P4HA2: variants seen among roughly 807,000 people sequenced by gnomAD.
P4HA2 encodes the protein prolyl 4-hydroxylase subunit alpha 2.
In P4HA2, 46 loss-of-function variants were observed where a neutral mutation model predicts 76.9. The observed-to-expected ratio is 0.60, with a 90% CI of 0.47 to 0.76. The LOEUF is 0.76. Among genes scored for constraint, P4HA2 ranks in the 30% least tolerant of loss-of-function variants. The pLI is 0.00. For synonymous variants in P4HA2, 243 were observed against 254.0 expected, an observed-to-expected ratio of 0.96 and a Z score of 0.41; for missense variants, 583 against 669.4, an observed-to-expected ratio of 0.87 and a Z score of 1.42.
At chr5:132,218,205 C>T (rs565667744) in intron 2 of P4HA2, among the ~76,000 whole-genome samples, 13 of 152,220 alleles carry the variant, frequency 8.5e-5, no homozygotes, top group East Asian at 7.7e-4. Flanking sequence ...AACTTTAGGT[C>T]GGAAGGATAG....
chr5:132,213,336 T>C (rs913113608), intron 5 of P4HA2, among the ~76,000 whole-genome samples: 10 of 151,360 alleles, frequency 6.6e-5, no homozygotes, highest in African/African-American at 2.4e-4. Context: ...ACCAGGAAAA[T>C]GGACAGAGTG....
intron 12 of P4HA2, among the ~76,000 whole-genome samples, chr5:132,196,482 T>A (rs1750659045): frequency 6.6e-6 from 1 of 152,194 alleles, no homozygotes; most frequent in African/African-American, 2.4e-5. Context: ...AAGTCTCAAC[T>A]GATATGTTAC....
chr5:132,203,503 G>C (rs1751790959), intron 10 of P4HA2: 2 of 511,160 alleles, frequency 3.9e-6, no homozygotes, highest in Non-Finnish European at 7.1e-6. Flanking sequence ...AACTACCCCT[G>C]ATCCCTAGCT....
chr5:132,216,875 T>C (rs1004602287), intron 4 of P4HA2, among the ~76,000 whole-genome samples: 2 of 152,212 alleles, frequency 1.3e-5, no homozygotes, highest in Admixed American at 1.3e-4. Flanking sequence ...AATTCTCTTG[T>C]TTTTGTGTTT....
At position 132,192,231 on chromosome 5, in the gene P4HA2, G is replaced by T. The variant is rs183914164; in HGVS notation, c.*779C>A. On this transcript the variant is annotated 3_prime_UTR_variant, in exon 15 of 15. Transcript: ENST00000360568. ...GCTCCTGAGGTACTGACTTGAAAACGTTCTCTTTTCTAACTTGGTGTTGAC... is the reference window on the plus strand; with the variant it reads ...GCTCCTGAGGTACTGACTTGAAAACTTTCTCTTTTCTAACTTGGTGTTGAC... 1 of 152,154 alleles carries T rather than the reference G, an allele frequency of 6.6e-6. No homozygotes were observed. Among genetic ancestry groups the T allele is most frequent in the Non-Finnish European group, 1.5e-5 (1 of 68,028 alleles). 9.4% of individuals were successfully genotyped at this position (152,154 alleles called of 1,614,324 possible).
At position 132,192,864 on chromosome 5, in the gene P4HA2, C is replaced by T. The variant is rs1750043643; in HGVS notation, c.*146G>A. ...GCTGGGACTTCAGTCACACAGGAGT[C>T]GCCCTAGTATGGTCTCCCTCTGCTC... is the stretch of plus-strand genomic sequence containing the variant. On this transcript the variant is annotated 3_prime_UTR_variant, in exon 15 of 15. Transcript: ENST00000360568. The T allele has an allele frequency of 6.5e-6, 4 of 619,448 alleles. No homozygotes were observed. Among genetic ancestry groups the T allele is most frequent in the South Asian group, 6.1e-5 (3 of 49,474 alleles). 38.4% of individuals were successfully genotyped at this position (619,448 alleles called of 1,614,324 possible). A position where few individuals can be genotyped will look rare whatever the true frequency, so the allele number is the denominator to read the frequency against.
rs1300349607 is a variant in P4HA2, at chr5:132,207,836, T to C, written c.952A>G (p.Arg318Gly). ...RLFCRYHHGN[R>G]APQLLIAPFK... ...GGGGCAATGAGCAGCTGTGGGGCCC[T>C]GTTGCCATGGTGGTACCTACAGAAA... is the stretch of plus-strand genomic sequence containing the variant. The change falls in exon 8 of 15, where the codon AGG becomes GGG. Residue 318 changes from arginine (R) to glycine (G), a missense_variant. Transcript: ENST00000360568. 1.9e-6 allele frequency: 3 copies of C among 1,606,498 alleles called. No homozygotes were observed. The highest frequency in any genetic ancestry group is 2.5e-6 in the Non-Finnish European group (3 of 1,176,532).
Position 132,196,955 on chromosome 5 carries a change from T to C in P4HA2, c.1365+1366A>G, listed in dbSNP as rs142310896. ...TCAAGCACAAGAGAGACCACATATGTTCTGCTCACCAGCATGTACACAGCA... is the reference window on the plus strand; with the variant it reads ...TCAAGCACAAGAGAGACCACATATGCTCTGCTCACCAGCATGTACACAGCA... On this transcript the variant is annotated intron_variant, in intron 12 of 14. Coordinates refer to ENST00000360568, the MANE Select transcript of P4HA2 (RefSeq NM_001017974.2). Among the ~76,000 whole-genome samples, 31 of 151,894 alleles carry C rather than the reference T, an allele frequency of 2.0e-4. 1 individual carries two copies. The East Asian group carries it at 4.8e-3, about 24-fold the overall frequency.
At chr5:132,198,242 T>C (rs755776111) in intron 12 of P4HA2, 79 bp downstream of exon 12, 4 of 1,614,204 alleles carry the variant, frequency 2.5e-6, no homozygotes, top group Non-Finnish European at 3.4e-6. Context: ...TCCCCGTCCC[T>C]AAATGCTTGA....
Position 132,198,878 on chromosome 5 carries a change from C to T in P4HA2, c.1305+1G>A. ...GAAAGCACCTGTGATTTAGGCCTTA[C>T]CCTAGAGAAGTCGAAGTGCGGTTCA... On this transcript the variant is annotated splice_donor_variant, in intron 11 of 14. Coordinates refer to ENST00000360568, the MANE Select transcript of P4HA2 (RefSeq NM_001017974.2). LOFTEE classifies it high-confidence loss of function. The T allele has an allele frequency of 6.2e-7, 1 of 1,608,540 alleles. No homozygotes were observed. Among genetic ancestry groups the T allele is most frequent in the South Asian group, 1.1e-5 (1 of 90,990 alleles).
chr5:132,195,073 G>A, intron 13 of P4HA2, 51 bp from the exon 14 acceptor site: 1 of 1,210,722 alleles, frequency 8.3e-7, no homozygotes, highest in East Asian at 2.3e-5. Context: ...CTGTGCTCAG[G>A]GACCTGACTG....
Position 132,217,509 on chromosome 5 carries a change from C to T in P4HA2, c.180-161G>A, listed in dbSNP as rs111502361. ...AGTAACTCCCCACAGATACTTCTAG[C>T]CCCTTAATCTAGATAACAGCTGGGA... On this transcript the variant is annotated intron_variant, in intron 3 of 14. Coordinates refer to ENST00000360568, the MANE Select transcript of P4HA2 (RefSeq NM_001017974.2). 6.3e-3 allele frequency: 4,309 copies of T among 678,818 alleles called. 147 individuals carry two copies. The African/African-American group carries it at 0.07, about 11-fold the overall frequency. 42.0% of individuals were successfully genotyped at this position (678,818 alleles called of 1,614,324 possible).
chr5:132,216,378 C>G (rs1213527449), intron 4 of P4HA2, among the ~76,000 whole-genome samples: 1 of 152,088 alleles, frequency 6.6e-6, no homozygotes, highest in Non-Finnish European at 1.5e-5. Context: ...CTTCTAGGAA[C>G]TTACCCTAAA....
intron 1 of P4HA2, among the ~76,000 whole-genome samples, chr5:132,220,322 G>T (rs1170483083): frequency 6.6e-6 from 1 of 152,222 alleles, no homozygotes; most frequent in Non-Finnish European, 1.5e-5. Flanking sequence ...CAAAAGGCTT[G>T]ACTGGCTCAG....
chr5:132,213,864 C>G, intron 5 of P4HA2, 52 bp downstream of exon 5: 1 of 1,590,508 alleles, frequency 6.3e-7, no homozygotes, highest in South Asian at 1.1e-5. Flanking sequence ...CAACCTGTCC[C>G]GCCACTAAAG....
rs1027541334 is a variant in P4HA2 at position 132,190,274 on chromosome 5, G to A, written c.*2736C>T. On this transcript the variant is annotated 3_prime_UTR_variant, in exon 15 of 15. Coordinates refer to ENST00000360568, the MANE Select transcript of P4HA2 (RefSeq NM_001017974.2). The stretch of plus-strand genomic sequence containing the variant: ...ACAAACCACCTAGTGTGCCAGTCAC[G>A]TTTCTATTCTCAGCTGCAAGCTCAT... 2.6e-5 allele frequency among the ~76,000 whole-genome samples: 4 copies of A among 152,172 alleles called. No homozygotes were observed. Among genetic ancestry groups the A allele is most frequent in the Non-Finnish European group, 5.9e-5 (4 of 68,028 alleles).
chr5:132,224,019 C>A (rs1755006662), intron 1 of P4HA2, among the ~76,000 whole-genome samples: 1 of 152,226 alleles, frequency 6.6e-6, no homozygotes, highest in South Asian at 2.1e-4. Context: ...ACCAAAGGTT[C>A]ATAAAGCAGG....
chr5:132,215,903 T>C (rs1284198281), intron 4 of P4HA2, among the ~76,000 whole-genome samples: 2 of 141,094 alleles, frequency 1.4e-5, no homozygotes, highest in African/African-American at 5.3e-5. Context: ...GGCTCACACC[T>C]GTAATCCCAG....
chr5:132,214,194 C>T (rs1007474620), intron 4 of P4HA2, 141 bp from the exon 5 acceptor site: 4 of 774,048 alleles, frequency 5.2e-6, no homozygotes, highest in Non-Finnish European at 8.2e-6. Flanking sequence ...TGCCCCCTTC[C>T]ACCAGGAAGT....
Sources: allele counts gnomAD v4.1 joint callset (sites outside exome capture counted in the v4.1 genomes callset), GRCh38; gene constraint gnomAD v4.1.1; transcripts MANE v1.5; gene names NCBI Gene and HGNC (gene_info 2026-07-23, HGNC 2026-07-21).